Variants in DNAJC1 observed in about 807,000 individuals in gnomAD.
DNAJC1 encodes the protein DnaJ heat shock protein family (Hsp40) member C1, also known as dnaJ homolog subfamily C member 1.
In DNAJC1, 58 loss-of-function variants were observed where a neutral mutation model predicts 76.6. That is an observed-to-expected ratio of 0.76 (90% CI 0.61 to 0.94). DNAJC1 has a LOEUF of 0.94. Ranked by LOEUF, DNAJC1 falls within the 40% of genes least tolerant of loss-of-function variation. The probability of loss-of-function intolerance (pLI) is 0.00; values close to 1 mark genes in which losing one functional copy is unlikely to be tolerated. For synonymous variants in DNAJC1, 258 were observed against 267.9 expected (o/e 0.96, Z 0.36); for missense variants, 689 against 677.3 (o/e 1.02, Z -0.19).
At chr10:21,867,948 CT>C (rs1351382501) in intron 8 of DNAJC1, among the ~76,000 whole-genome samples, 2 of 151,052 alleles carry the variant, frequency 1.3e-5, no homozygotes, top group Non-Finnish European at 2.9e-5. Context: ...TGGCATGCAC[CT>C]GTAATCCCAG....
At chr10:21,822,524 T>C (rs1835177717) in intron 8 of DNAJC1, among the ~76,000 whole-genome samples, 1 of 151,962 alleles carries the variant, frequency 6.6e-6, no homozygotes, top group Non-Finnish European at 1.5e-5. Context: ...GCTCTGTTTT[T>C]AAGAAAGAAA....
intron 1 of DNAJC1, among the ~76,000 whole-genome samples, chr10:21,976,925 C>T (rs914714411): frequency 2.6e-5 from 4 of 152,044 alleles, no homozygotes; most frequent in Admixed American, 1.3e-4. Flanking sequence ...TCTTTTCTTC[C>T]GTAACAACAA....
At position 21,847,886 on chromosome 10, in the gene DNAJC1, A is replaced by G. The variant is rs373765955; in HGVS notation, c.978+34396T>C. 2.6e-5 allele frequency among the ~76,000 whole-genome samples: 4 copies of G among 152,162 alleles called. No individual in the cohort carries two copies. The East Asian group carries it at 7.7e-4, about 29-fold the overall frequency. On this transcript the variant is annotated intron_variant, in intron 8 of 11. Transcript: ENST00000376980. Reference sequence around the variant, plus strand: ...AATGGACACTTAGGTTGATTTTGTTATCTTGGCTATTGTGAATAGTGGTGC... The same window carrying G: ...AATGGACACTTAGGTTGATTTTGTTGTCTTGGCTATTGTGAATAGTGGTGC...
At chr10:21,775,011 G>A (rs1312743777) in intron 9 of DNAJC1, among the ~76,000 whole-genome samples, 1 of 152,200 alleles carries the variant, frequency 6.6e-6, no homozygotes, top group African/African-American at 2.4e-5. Flanking sequence ...ATAGTTAAGA[G>A]TCGCCTTATG....
intron 8 of DNAJC1, among the ~76,000 whole-genome samples, chr10:21,873,976 C>T (rs555034999): frequency 6.6e-6 from 1 of 152,256 alleles, no homozygotes; most frequent in East Asian, 1.9e-4. Context: ...CCTAGAGAAA[C>T]CACAAAACTA....
chr10:21,957,551 T>C, intron 1 of DNAJC1, among the ~76,000 whole-genome samples: 1 of 152,226 alleles, frequency 6.6e-6, no homozygotes, highest in African/African-American at 2.4e-5. Flanking sequence ...CCATTCATAT[T>C]TGATCTTTGC....
intron 1 of DNAJC1, among the ~76,000 whole-genome samples, chr10:21,961,778 C>A (rs1257208307): frequency 1.3e-5 from 2 of 152,154 alleles, no homozygotes; most frequent in African/African-American, 4.8e-5. Context: ...AAAGTTCTTA[C>A]AATCACATCA....
intron 1 of DNAJC1, among the ~76,000 whole-genome samples, chr10:21,956,985 G>A (rs1365396426): frequency 6.7e-6 from 1 of 149,572 alleles, no homozygotes; most frequent in Non-Finnish European, 1.5e-5. Flanking sequence ...TCCGCCTCCC[G>A]GGTTCAAGTG....
intron 9 of DNAJC1, among the ~76,000 whole-genome samples, chr10:21,781,555 A>G (rs949480308): frequency 6.6e-6 from 1 of 152,082 alleles, no homozygotes; most frequent in African/African-American, 2.4e-5. Context: ...CCCCGTCTCT[A>G]CTAAAAATAC....
chr10:21,883,145 G>T (rs1277639721), intron 7 of DNAJC1, among the ~76,000 whole-genome samples: 2 of 152,020 alleles, frequency 1.3e-5, no homozygotes, highest in Admixed American at 1.3e-4. Context: ...AACTACTTGG[G>T]AAGCTGAGGC....
intron 1 of DNAJC1, among the ~76,000 whole-genome samples, chr10:21,950,711 G>A (rs552608035): frequency 6.6e-6 from 1 of 152,334 alleles, no homozygotes; most frequent in African/African-American, 2.4e-5. Context: ...CTACTCCAGT[G>A]AACACATGAA....
chr10:21,815,339 A>G (rs527921269), intron 8 of DNAJC1, among the ~76,000 whole-genome samples: 1 of 152,302 alleles, frequency 6.6e-6, no homozygotes, highest in Admixed American at 6.5e-5. Context: ...TTGATGATCA[A>G]ACTGCAATAG....
At chr10:21,796,077 C>A (rs1834747860) in intron 9 of DNAJC1, among the ~76,000 whole-genome samples, 1 of 150,784 alleles carries the variant, frequency 6.6e-6, no homozygotes, top group African/African-American at 2.4e-5. Flanking sequence ...TCAAGCGATT[C>A]TCCTGCCTCA....
chr10:21,779,940 T>C (rs1311088633), intron 9 of DNAJC1, among the ~76,000 whole-genome samples: 1 of 152,060 alleles, frequency 6.6e-6, no homozygotes, highest in African/African-American at 2.4e-5. Flanking sequence ...GAGAACTACG[T>C]GATGCATGCA....
intron 3 of DNAJC1, among the ~76,000 whole-genome samples, chr10:21,922,805 G>GT (rs1837061002): frequency 6.6e-6 from 1 of 151,882 alleles, no homozygotes; most frequent in Non-Finnish European, 1.5e-5. Flanking sequence ...GAGAAAAAAG[G>GT]TGAATATAGA....
At chr10:22,002,144 A>T (rs574077580) in intron 1 of DNAJC1, among the ~76,000 whole-genome samples, 1 of 152,362 alleles carries the variant, frequency 6.6e-6, no homozygotes, top group East Asian at 1.9e-4. Flanking sequence ...CACATTTATG[A>T]TAACCTATGG....
chr10:21,862,916 T>C (rs1835939860), intron 8 of DNAJC1, among the ~76,000 whole-genome samples: 1 of 152,094 alleles, frequency 6.6e-6, no homozygotes, highest in African/African-American at 2.4e-5. Context: ...GCGGATTACC[T>C]GAGGTTGGGA....
chr10:21,837,857 G>A lies in DNAJC1; in HGVS notation c.979-31758C>T, dbSNP rs1331496374. 1.8e-3 allele frequency among the ~76,000 whole-genome samples: 252 copies of A among 140,574 alleles called. 2 individuals carry two copies. Among genetic ancestry groups the A allele is most frequent in the African/African-American group, 6.2e-3 (236 of 37,934 alleles). The allele number at this position is 140,574 out of a possible 152,430, so 92.2% of individuals were successfully genotyped here. A position where few individuals can be genotyped will look rare whatever the true frequency, so the allele number is the denominator to read the frequency against. Reference sequence around the variant, plus strand: ...CAGCCCCCGCCTGGCCAGCCGCCCCGTCCGGGAGGGAGGTGGGGGGCAGCC... The same window carrying A: ...CAGCCCCCGCCTGGCCAGCCGCCCCATCCGGGAGGGAGGTGGGGGGCAGCC... On this transcript the variant is annotated intron_variant, in intron 8 of 11. Transcript: ENST00000376980.
chr10:21,811,171 C>T (rs1589989950), intron 8 of DNAJC1, among the ~76,000 whole-genome samples: 1 of 152,180 alleles, frequency 6.6e-6, no homozygotes, highest in Admixed American at 6.5e-5. Flanking sequence ...GGGTGACCCA[C>T]CGCCTTACAC....
Sources: gnomAD v4.1 joint callset for allele counts (sites outside exome capture counted in the v4.1 genomes callset) on GRCh38, gnomAD v4.1.1 for gene constraint, MANE v1.5 for transcripts, NCBI Gene and HGNC (gene_info 2026-07-23, HGNC 2026-07-21) for gene names.